Variants in SGMS1 observed in about 807,000 individuals in gnomAD.
SGMS1 encodes the protein phosphatidylcholine:ceramide cholinephosphotransferase 1.
Under a neutral mutation model 46.2 loss-of-function variants are expected in SGMS1, and 13 were observed. That is an observed-to-expected ratio of 0.28 (90% CI 0.18 to 0.45). The LOEUF is 0.45. SGMS1 is among the 20% of genes least tolerant of loss of function. The pLI, the probability that SGMS1 is intolerant of heterozygous loss-of-function variation, is 1.00. For synonymous variants in SGMS1, 203 were observed against 187.8 expected (o/e 1.08, Z -0.66); for missense variants, 324 against 519.9 (o/e 0.62, Z 3.66).
At chr10:50,539,265 C>T (rs951758747) in intron 2 of SGMS1, among the ~76,000 whole-genome samples, 6 of 152,230 alleles carry the variant, frequency 3.9e-5, no homozygotes, top group African/African-American at 7.2e-5. Context: ...CCATTGTTCC[C>T]GGAAGGCCAG....
intron 8 of SGMS1, among the ~76,000 whole-genome samples, chr10:50,323,969 C>A (rs935415754): frequency 6.6e-6 from 1 of 152,198 alleles, no homozygotes; most frequent in African/African-American, 2.4e-5. Context: ...CTACCTTCCT[C>A]ATGCCTCATA....
chr10:50,620,700 T>C (rs1022474862), intron 1 of SGMS1, among the ~76,000 whole-genome samples: 13 of 152,212 alleles, frequency 8.5e-5, no homozygotes, highest in African/African-American at 2.9e-4. Context: ...AGCACACTCA[T>C]GCCTCCCTCC....
chr10:50,320,943 C>G (rs995667209), intron 8 of SGMS1, among the ~76,000 whole-genome samples: 2 of 152,226 alleles, frequency 1.3e-5, no homozygotes, highest in African/African-American at 2.4e-5. Context: ...ATTTCTGTCT[C>G]TTTCACAGCT....
chr10:50,368,865 CATT>C (rs1463850911), intron 6 of SGMS1, among the ~76,000 whole-genome samples: 2 of 152,132 alleles, frequency 1.3e-5, no homozygotes, highest in Non-Finnish European at 2.9e-5. Context: ...GGCTATTTTG[CATT>C]AGGTCAAATA....
At chr10:50,441,579 G>T (rs1450851606) in intron 5 of SGMS1, among the ~76,000 whole-genome samples, 1 of 152,156 alleles carries the variant, frequency 6.6e-6, no homozygotes, top group Admixed American at 6.5e-5. Flanking sequence ...AGTCCAATAA[G>T]GTGTCTGCAG....
rs1469666275 is a variant in SGMS1 at position 50,306,115 on chromosome 10, T to C, written c.*1027A>G. The C allele has an allele frequency of 6.5e-6, 1 of 152,742 alleles. No homozygotes were observed. The highest frequency in any genetic ancestry group is 1.9e-4 in the East Asian group (1 of 5,346). The allele number at this position is 152,742 out of a possible 1,614,324, so 9.5% of individuals were successfully genotyped here. On this transcript the variant is annotated 3_prime_UTR_variant, in exon 11 of 11. Transcript: ENST00000361781. ...GAAAAGATATTCATGGCTGTTTTCA[T>C]TGAGTAGTTAAAATTGAACTACCAA... is the stretch of plus-strand genomic sequence containing the variant.
chr10:50,453,462 T>G (rs908521213), intron 5 of SGMS1, among the ~76,000 whole-genome samples: 2 of 151,276 alleles, frequency 1.3e-5, no homozygotes, highest in East Asian at 2.0e-4. Context: ...ATCCCTGTCA[T>G]CAAGGACGGC....
intron 5 of SGMS1, among the ~76,000 whole-genome samples, chr10:50,448,931 T>G (rs1344156462): frequency 1.3e-5 from 2 of 151,910 alleles, no homozygotes; most frequent in Non-Finnish European, 2.9e-5. Flanking sequence ...AAAGAAGACT[T>G]ATGGATAAAA....
intron 7 of SGMS1, chr10:50,342,048 C>CT (rs1847828959): frequency 6.6e-6 from 1 of 152,166 alleles, no homozygotes; most frequent in East Asian, 1.9e-4. Context: ...AAGGAGCAAA[C>CT]TTACAAAAAC....
At chr10:50,612,021 C>T (rs574248507) in intron 1 of SGMS1, among the ~76,000 whole-genome samples, 1 of 152,368 alleles carries the variant, frequency 6.6e-6, no homozygotes, top group South Asian at 2.1e-4. Context: ...AGCCCCCTGC[C>T]AGTGGGGTGG....
intron 6 of SGMS1, among the ~76,000 whole-genome samples, chr10:50,381,808 T>C (rs913463171): frequency 1.3e-5 from 2 of 152,180 alleles, no homozygotes; most frequent in Non-Finnish European, 2.9e-5. Context: ...CTTTATCCCT[T>C]GACCTTCTCT....
chr10:50,621,845 C>A (rs1036374307), intron 1 of SGMS1, among the ~76,000 whole-genome samples: 6 of 152,234 alleles, frequency 3.9e-5, no homozygotes, highest in Non-Finnish European at 1.5e-5. Context: ...TGCAGAGTAA[C>A]TACTTAAAAC....
chr10:50,327,446 T>C (rs946105671), intron 7 of SGMS1, 124 bp from the exon 8 acceptor site: 2 of 665,426 alleles, frequency 3.0e-6, no homozygotes, highest in African/African-American at 3.7e-5. Flanking sequence ...GAAACCAGAA[T>C]GTTGTAACTA....
At position 50,308,207 on chromosome 10, in the gene SGMS1, A is replaced by G. The variant is rs539876734; in HGVS notation, c.896-59T>C. The G allele has an allele frequency of 8.3e-5, 123 of 1,476,638 alleles. No homozygotes were observed. In the African/African-American group the frequency reaches 1.4e-3, roughly 17 times the overall value. 91.5% of individuals were successfully genotyped at this position (1,476,638 alleles called of 1,614,324 possible). On this transcript the variant is annotated intron_variant, in intron 9 of 10. Coordinates refer to ENST00000361781, the MANE Select transcript of SGMS1 (RefSeq NM_147156.4). Reference sequence around the variant, plus strand: ...ATTCAAATGACATTAAGGGCACCCAACTATGCCTCTACTAATGCTTCTGAA... The same window carrying G: ...ATTCAAATGACATTAAGGGCACCCAGCTATGCCTCTACTAATGCTTCTGAA...
At chr10:50,351,291 T>A (rs1848008135) in intron 6 of SGMS1, among the ~76,000 whole-genome samples, 2 of 152,228 alleles carry the variant, frequency 1.3e-5, no homozygotes, top group Admixed American at 6.5e-5. Context: ...ACTAGCTTGC[T>A]TTTGATTTTA....
intron 3 of SGMS1, among the ~76,000 whole-genome samples, chr10:50,517,504 A>G (rs1366959774): frequency 3.3e-5 from 5 of 152,196 alleles, no homozygotes; most frequent in African/African-American, 1.2e-4. Context: ...AGGGAAAAAC[A>G]AGAAAGAAAA....
chr10:50,480,172 C>G (rs572302558), intron 3 of SGMS1, among the ~76,000 whole-genome samples: 15 of 152,154 alleles, frequency 9.9e-5, no homozygotes, highest in African/African-American at 3.4e-4. Flanking sequence ...GAGGATACCT[C>G]ACAGGAGAGT....
At chr10:50,531,006 G>A (rs921466764) in intron 2 of SGMS1, among the ~76,000 whole-genome samples, 4 of 152,028 alleles carry the variant, frequency 2.6e-5, no homozygotes, top group African/African-American at 9.7e-5. Flanking sequence ...CAAACAGGAT[G>A]GTCCCTAACA....
intron 1 of SGMS1, among the ~76,000 whole-genome samples, chr10:50,618,835 C>A (rs1588894579): frequency 6.6e-6 from 1 of 152,178 alleles, no homozygotes; most frequent in Non-Finnish European, 1.5e-5. Flanking sequence ...AATCTCCAAC[C>A]TGGGCATGCT....
Sources: gnomAD v4.1 joint callset for allele counts (sites outside exome capture counted in the v4.1 genomes callset) on GRCh38, gnomAD v4.1.1 for gene constraint, MANE v1.5 for transcripts, NCBI Gene and HGNC (gene_info 2026-07-23, HGNC 2026-07-21) for gene names.